The following DRC10 variants were observed in gnomAD, a reference collection of about 807,000 sequenced individuals.
DRC10 encodes the protein dynein regulatory complex subunit 10, also known as IQ domain-containing protein D.
chr12:113,206,406 T>C, the DRC10 span, among the ~76,000 whole-genome samples: 12,109 of 152,072 alleles, frequency 0.08, 591 homozygotes, highest in East Asian at 0.21. Flanking sequence ...TTCCTTTGTT[T>C]CCCTCTGCCT....
the DRC10 span, among the ~76,000 whole-genome samples, chr12:113,214,507 C>CAA: frequency 0.015 from 726 of 47,208 alleles, 13 homozygotes; most frequent in South Asian, 0.085. Context: ...GACTCCGTCT[C>CAA]AAAAAAAAAA....
At chr12:113,207,933 A>G in the DRC10 span, 6 of 1,613,780 alleles carry the variant, frequency 3.7e-6, no homozygotes, top group Non-Finnish European at 5.1e-6. Context: ...TCCCCTCCAT[A>G]TCCTCTCTGT....
At chr12:113,203,562 ACT>A in the DRC10 span, among the ~76,000 whole-genome samples, 1 of 141,674 alleles carries the variant, frequency 7.1e-6, no homozygotes, top group Admixed American at 7.7e-5. Flanking sequence ...TGCAATCTCC[ACT>A]TCCTGGGTTC....
At chr12:113,216,058 C>A in the DRC10 span, among the ~76,000 whole-genome samples, 2 of 152,196 alleles carry the variant, frequency 1.3e-5, no homozygotes, top group African/African-American at 4.8e-5. Context: ...AAAACCTGCA[C>A]ACACAAAAAG....
the DRC10 span, among the ~76,000 whole-genome samples, chr12:113,198,345 A>G: frequency 6.6e-6 from 1 of 152,230 alleles, no homozygotes; most frequent in Admixed American, 6.5e-5. Context: ...GAGTGTCAGC[A>G]AGAGGAGGCT....
At chr12:113,204,682 A>G in the DRC10 span, among the ~76,000 whole-genome samples, 3 of 152,152 alleles carry the variant, frequency 2.0e-5, no homozygotes, top group African/African-American at 7.2e-5. Context: ...GCACTTTGGG[A>G]GGCTGAGGTG....
chr12:113,196,350 C>T, the DRC10 span, among the ~76,000 whole-genome samples: 1,036 of 152,236 alleles, frequency 6.8e-3, 8 homozygotes, highest in Non-Finnish European at 0.01. Context: ...GTCTGTTCCA[C>T]AAGACACCAG....
chr12:113,209,460 T>A, the DRC10 span, among the ~76,000 whole-genome samples: 142 of 152,276 alleles, frequency 9.3e-4, no homozygotes, highest in African/African-American at 3.2e-3. Context: ...AGTGTGACCA[T>A]GGCTCACTCC....
the DRC10 span, among the ~76,000 whole-genome samples, chr12:113,214,822 G>A: frequency 1.3e-5 from 2 of 149,506 alleles, no homozygotes; most frequent in African/African-American, 4.9e-5. Flanking sequence ...TAGTTGAGTG[G>A]TTTTTTTTTT....
chr12:113,215,465 G>GT, the DRC10 span, among the ~76,000 whole-genome samples: 1 of 152,188 alleles, frequency 6.6e-6, no homozygotes. Flanking sequence ...TATGGTATAT[G>GT]TTTTTGTATC....
At chr12:113,196,914 T>C in the DRC10 span, among the ~76,000 whole-genome samples, 1 of 152,254 alleles carries the variant, frequency 6.6e-6, no homozygotes, top group South Asian at 2.1e-4. Context: ...AAAATGGGAA[T>C]TACTGCCTTT....
the DRC10 span, chr12:113,207,221 G>A: frequency 2.8e-5 from 17 of 607,610 alleles, no homozygotes; most frequent in East Asian, 1.2e-4. Context: ...GGTGGCATAC[G>A]CCTGTAATCC....
the DRC10 span, among the ~76,000 whole-genome samples, chr12:113,218,447 C>CT: frequency 4.5e-4 from 66 of 146,864 alleles, no homozygotes; most frequent in Non-Finnish European, 5.9e-4. Flanking sequence ...GCCCGGCTGC[C>CT]TTTTTTTTTT....
chr12:113,195,833 C>T, the DRC10 span: 1 of 1,613,716 alleles, frequency 6.2e-7, no homozygotes. Context: ...TCCGCCTGAG[C>T]TCCTCCAGCG....
At chr12:113,217,040 G>C in the DRC10 span, among the ~76,000 whole-genome samples, 27 of 152,280 alleles carry the variant, frequency 1.8e-4, no homozygotes, top group Non-Finnish European at 3.2e-4. Flanking sequence ...AGTGAGCTGA[G>C]ATTGCACCAC....
At chr12:113,221,024 G>A in the DRC10 span, 1 of 397,402 alleles carries the variant, frequency 2.5e-6, no homozygotes, top group Non-Finnish European at 5.1e-6. Context: ...GGTTTCCCTA[G>A]CCACAGTTAC....
chr12:113,200,476 C>T, the DRC10 span: 5 of 951,622 alleles, frequency 5.3e-6, no homozygotes, highest in Non-Finnish European at 8.1e-6. Context: ...TGGTGCAGTC[C>T]TGCCCTGCCC....
chr12:113,207,583 A>G, the DRC10 span: 1 of 1,614,208 alleles, frequency 6.2e-7, no homozygotes, highest in Non-Finnish European at 8.5e-7. Flanking sequence ...TAGTTTTTCA[A>G]ACAGGAAACC....
chr12:113,211,279 G>T, the DRC10 span, among the ~76,000 whole-genome samples: 2 of 152,092 alleles, frequency 1.3e-5, no homozygotes, highest in Non-Finnish European at 2.9e-5. Context: ...TAGATATAGG[G>T]TCTTGCTATG....
Sources: allele counts gnomAD v4.1 joint callset (sites outside exome capture counted in the v4.1 genomes callset), GRCh38; gene constraint gnomAD v4.1.1; transcripts MANE v1.5; gene names NCBI Gene and HGNC (gene_info 2026-07-23, HGNC 2026-07-21).